Variants in SLC25A21 observed in about 807,000 individuals in gnomAD.
The protein encoded by SLC25A21 is solute carrier family 25 member 21.
In SLC25A21, 47 loss-of-function variants were observed where a neutral mutation model predicts 43.8. That is an observed-to-expected ratio of 1.07 (90% CI 0.85 to 1.37). SLC25A21 has a LOEUF of 1.37. SLC25A21 is among the 40% of genes most tolerant of loss of function. SLC25A21 has a pLI of 0.00. For missense variants in SLC25A21, 352 were observed against 350.2 expected, an observed-to-expected ratio of 1.00 and a Z score of -0.04; for synonymous variants, 131 against 121.3, an observed-to-expected ratio of 1.08 and a Z score of -0.52.
intron 1 of SLC25A21, among the ~76,000 whole-genome samples, chr14:36,941,708 AT>A (rs1311197098): frequency 5.9e-5 from 9 of 152,048 alleles, no homozygotes; most frequent in African/African-American, 1.7e-4. Context: ...AATGGTCAAA[AT>A]ATTAACTGCT....
intron 1 of SLC25A21, among the ~76,000 whole-genome samples, chr14:36,893,971 T>C (rs975195862): frequency 6.6e-6 from 1 of 152,186 alleles, no homozygotes; most frequent in African/African-American, 2.4e-5. Context: ...AGTCAGGTAG[T>C]GTGATGCCTC....
intron 1 of SLC25A21, among the ~76,000 whole-genome samples, chr14:37,015,976 C>A (rs1049787475): frequency 2.0e-5 from 3 of 150,340 alleles, no homozygotes; most frequent in African/African-American, 4.9e-5. Flanking sequence ...CGAAAATTTT[C>A]TCCCATTTTG....
chr14:36,919,651 C>G (rs1229886568), intron 1 of SLC25A21, among the ~76,000 whole-genome samples: 1 of 150,004 alleles, frequency 6.7e-6, no homozygotes. Flanking sequence ...ATCTATCTAT[C>G]TATCTATCTA....
chr14:36,783,206 T>TG (rs1326978177), intron 3 of SLC25A21, among the ~76,000 whole-genome samples: 11 of 2,054 alleles, frequency 5.4e-3, no homozygotes, highest in African/African-American at 0.037. Flanking sequence ...TATCTTGGGG[T>TG]GGGGGTGGTG....
At chr14:36,827,112 T>C (rs888052238) in intron 2 of SLC25A21, among the ~76,000 whole-genome samples, 2 of 152,258 alleles carry the variant, frequency 1.3e-5, no homozygotes, top group Non-Finnish European at 2.9e-5. Context: ...TCAAATAAAA[T>C]GCCCTTCTGT....
chr14:36,983,186 G>C (rs985694051), intron 1 of SLC25A21, among the ~76,000 whole-genome samples: 5 of 152,262 alleles, frequency 3.3e-5, no homozygotes, highest in South Asian at 2.1e-4. Context: ...AGATGTTCTA[G>C]ATAGCATACA....
intron 1 of SLC25A21, among the ~76,000 whole-genome samples, chr14:36,878,826 T>G (rs2138563034): frequency 6.6e-6 from 1 of 152,246 alleles, no homozygotes; most frequent in South Asian, 2.1e-4. Flanking sequence ...GAAGTATTGC[T>G]TTTACCAACC....
intron 1 of SLC25A21, among the ~76,000 whole-genome samples, chr14:37,027,378 C>T (rs750775054): frequency 1.7e-4 from 26 of 152,084 alleles, no homozygotes; most frequent in Middle Eastern, 3.2e-3. Flanking sequence ...GTTAGATGAC[C>T]GTTTCTGCTA....
intron 2 of SLC25A21, among the ~76,000 whole-genome samples, chr14:36,872,498 T>C (rs2022601): frequency 0.53 from 81,065 of 152,022 alleles, 21,905 homozygotes; most frequent in Admixed American, 0.58. Flanking sequence ...CTTGATGTCA[T>C]CTCTCTGTTA....
chr14:36,858,066 C>G (rs56706104), intron 2 of SLC25A21, among the ~76,000 whole-genome samples: 4 of 152,144 alleles, frequency 2.6e-5, no homozygotes, highest in African/African-American at 9.7e-5. Flanking sequence ...AATTTGACAC[C>G]TGGCAAAAAT....
chr14:37,155,028 T>C (rs760191952), intron 1 of SLC25A21, among the ~76,000 whole-genome samples: 3 of 151,672 alleles, frequency 2.0e-5, no homozygotes, highest in South Asian at 2.1e-4. Context: ...ACTTTGGTAA[T>C]AGAGTAGATG....
intron 2 of SLC25A21, among the ~76,000 whole-genome samples, chr14:36,838,816 G>A (rs571332766): frequency 2.7e-4 from 41 of 152,150 alleles, no homozygotes; most frequent in African/African-American, 8.7e-4. Context: ...CTTAGTAGTC[G>A]CCAGTAGAAA....
chr14:36,959,141 C>T (rs1232329203), intron 1 of SLC25A21, among the ~76,000 whole-genome samples: 4 of 152,100 alleles, frequency 2.6e-5, no homozygotes, highest in African/African-American at 7.2e-5. Context: ...CAGTGGGTGT[C>T]GCTGCCATAA....
chr14:37,145,980 T>C (rs1963657543), intron 1 of SLC25A21, among the ~76,000 whole-genome samples: 1 of 152,042 alleles, frequency 6.6e-6, no homozygotes, highest in Non-Finnish European at 1.5e-5. Context: ...GTTCCTAGGG[T>C]AATGTCTCAA....
At chr14:36,948,445 CTG>C (rs1390900838) in intron 1 of SLC25A21, among the ~76,000 whole-genome samples, 2 of 152,092 alleles carry the variant, frequency 1.3e-5, no homozygotes, top group East Asian at 3.8e-4. Flanking sequence ...TCAGAGAAAA[CTG>C]TTCTGTAGTA....
At chr14:37,165,593 T>C (rs1338459794) in intron 1 of SLC25A21, among the ~76,000 whole-genome samples, 1 of 152,058 alleles carries the variant, frequency 6.6e-6, no homozygotes, top group African/African-American at 2.4e-5. Flanking sequence ...GTCCTGGAGT[T>C]GCCACTATGG....
At chr14:37,133,440 T>C (rs767933307) in intron 1 of SLC25A21, among the ~76,000 whole-genome samples, 4 of 151,954 alleles carry the variant, frequency 2.6e-5, no homozygotes, top group Non-Finnish European at 5.9e-5. Context: ...TGATTCTCCT[T>C]CAAATACAGT....
chr14:36,886,410 A>C (rs1315816699), intron 1 of SLC25A21, among the ~76,000 whole-genome samples: 1 of 152,222 alleles, frequency 6.6e-6, no homozygotes, highest in African/African-American at 2.4e-5. Flanking sequence ...AAACACTTTC[A>C]CATAAGTTTA....
chr14:36,697,737 A>C lies in SLC25A21; in HGVS notation c.604-12812T>G, dbSNP rs796908526. Among the ~76,000 whole-genome samples, 477 of 69,882 alleles carry C rather than the reference A, an allele frequency of 6.8e-3. 9 individuals carry two copies. Among genetic ancestry groups the C allele is most frequent in the African/African-American group, 0.028 (446 of 15,948 alleles). 45.8% of individuals were successfully genotyped at this position (69,882 alleles called of 152,430 possible). On this transcript the variant is annotated intron_variant, in intron 7 of 9. Coordinates refer to ENST00000331299, the MANE Select transcript of SLC25A21 (RefSeq NM_030631.4). ...ATCTGAGACTAGGATTGCAAGCCCT[A>C]CTTTTTTTTTTTGCTTTCCATTTGC...
Sources: allele counts gnomAD v4.1 joint callset (sites outside exome capture counted in the v4.1 genomes callset), GRCh38; gene constraint gnomAD v4.1.1; transcripts MANE v1.5; gene names NCBI Gene and HGNC (gene_info 2026-07-23, HGNC 2026-07-21).